The following TNR variants were observed in gnomAD, a reference collection of about 807,000 sequenced individuals.
TNR encodes tenascin R, also known as tenascin-R.
TNR carries 45 observed loss-of-function variants against 150.4 expected under a neutral mutation model. That is an observed-to-expected ratio of 0.30 (90% confidence interval 0.24 to 0.38). The LOEUF (loss-of-function observed/expected upper bound fraction) is 0.38, where lower values mean the gene tolerates loss of function less well. Among genes scored for constraint, TNR ranks in the 10% least tolerant of loss-of-function variants. TNR has a pLI of 1.00. For missense variants in TNR, 1,544 were observed against 1,759.1 expected, an observed-to-expected ratio of 0.88 and a Z score of 2.19; for synonymous variants, 687 against 678.4, an observed-to-expected ratio of 1.01 and a Z score of -0.20.
At chr1:175,709,468 G>T (rs1666939342) in intron 1 of TNR, among the ~76,000 whole-genome samples, 1 of 152,150 alleles carries the variant, frequency 6.6e-6, no homozygotes, top group African/African-American at 2.4e-5. Context: ...TATTAATTAG[G>T]TTTCTGTAGT....
At chr1:175,324,560 C>T in intron 21 of TNR, 41 bp from the exon 22 acceptor site, 1 of 1,600,476 alleles carries the variant, frequency 6.2e-7, no homozygotes, top group Admixed American at 1.7e-5. Flanking sequence ...CCATTTGTCA[C>T]TGCTTTATCA....
intron 19 of TNR, among the ~76,000 whole-genome samples, chr1:175,336,484 C>A (rs889690712): frequency 2.6e-5 from 4 of 152,210 alleles, no homozygotes; most frequent in African/African-American, 4.8e-5. Context: ...GAGAGGGCAT[C>A]CAAAGAAGGG....
chr1:175,653,683 T>C lies in TNR; in HGVS notation c.-165+89543A>G, dbSNP rs118021916. Among the ~76,000 whole-genome samples, 8 of 152,344 alleles carry C rather than the reference T, an allele frequency of 5.3e-5. No homozygotes were observed. In the East Asian group the frequency reaches 7.7e-4, roughly 15 times the overall value. ...AAAGAAAAGCCAAGTGTTGGAAACA[T>C]TGGGTTATTATAGAACACATACAGA... On this transcript the variant is annotated intron_variant, in intron 1 of 22. Transcript: ENST00000367674.
chr1:175,594,897 G>A (rs1350981764), intron 1 of TNR, among the ~76,000 whole-genome samples: 1 of 151,422 alleles, frequency 6.6e-6, no homozygotes, highest in African/African-American at 2.4e-5. Context: ...GGGCATGGTG[G>A]CTCAAGCCTG....
intron 2 of TNR, among the ~76,000 whole-genome samples, chr1:175,411,052 G>A (rs1654189487): frequency 6.6e-6 from 1 of 152,194 alleles, no homozygotes; most frequent in Admixed American, 6.5e-5. Context: ...CTTGTTCGAT[G>A]AATGCAAATA....
At chr1:175,679,351 A>G (rs888635812) in intron 1 of TNR, among the ~76,000 whole-genome samples, 5 of 152,240 alleles carry the variant, frequency 3.3e-5, no homozygotes, top group Admixed American at 6.5e-5. Context: ...TTCCAGCCAG[A>G]TGCAAGCCCT....
At chr1:175,404,437 T>C (rs1653858457) in intron 3 of TNR, among the ~76,000 whole-genome samples, 1 of 152,232 alleles carries the variant, frequency 6.6e-6, no homozygotes, top group African/African-American at 2.4e-5. Flanking sequence ...ATTCTACGCA[T>C]GTCTCTGTCC....
chr1:175,467,270 C>T (rs753527198), intron 2 of TNR, among the ~76,000 whole-genome samples: 10 of 151,790 alleles, frequency 6.6e-5, no homozygotes, highest in Non-Finnish European at 1.5e-4. Context: ...GCTCTGCCCA[C>T]CGTCCACCTC....
intron 14 of TNR, among the ~76,000 whole-genome samples, chr1:175,360,425 A>G (rs1296621610): frequency 6.6e-6 from 1 of 152,234 alleles, no homozygotes; most frequent in Non-Finnish European, 1.5e-5. Context: ...AGGTAGGTCA[A>G]AAGGGCCTGT....
At chr1:175,689,181 TC>T (rs1196377338) in intron 1 of TNR, among the ~76,000 whole-genome samples, 1 of 152,200 alleles carries the variant, frequency 6.6e-6, no homozygotes, top group Non-Finnish European at 1.5e-5. Flanking sequence ...TGGAATCTTC[TC>T]CTGGCTTCTG....
intron 2 of TNR, among the ~76,000 whole-genome samples, chr1:175,485,641 C>A (rs1409684865): frequency 6.6e-6 from 1 of 152,202 alleles, no homozygotes; most frequent in East Asian, 1.9e-4. Context: ...GATCCTTTAT[C>A]ATCCTAGAAA....
In TNR at chr1:175,368,044, G is replaced by A. The variant is rs1279726559; in HGVS notation, c.1964-747C>T. 3.3e-5 allele frequency among the ~76,000 whole-genome samples: 5 copies of A among 152,312 alleles called. No homozygotes were observed. The East Asian group carries it at 7.7e-4, about 24-fold the overall frequency. On this transcript the variant is annotated intron_variant, in intron 9 of 22. Coordinates refer to ENST00000367674, the MANE Select transcript of TNR (RefSeq NM_003285.3). ...GAGGTTTACTACAAAGGATCTCTGA[G>A]AACCTCCTAGAATATCTGGAATTCT...
intron 1 of TNR, among the ~76,000 whole-genome samples, chr1:175,531,514 A>G (rs1660063771): frequency 6.6e-6 from 1 of 152,216 alleles, no homozygotes; most frequent in Non-Finnish European, 1.5e-5. Flanking sequence ...TACAGGGCTC[A>G]TGGTCCCAAA....
At chr1:175,541,716 C>A (rs1284377627) in intron 1 of TNR, among the ~76,000 whole-genome samples, 1 of 152,022 alleles carries the variant, frequency 6.6e-6, no homozygotes, top group East Asian at 1.9e-4. Context: ...CAATTTACAC[C>A]AAGGGGGATG....
chr1:175,533,339 A>C (rs1441840171), intron 1 of TNR, among the ~76,000 whole-genome samples: 1 of 152,168 alleles, frequency 6.6e-6, no homozygotes, highest in Non-Finnish European at 1.5e-5. Flanking sequence ...GAAGGAAGGA[A>C]CTCGAAACTT....
At chr1:175,417,075 G>GGAAGAAAGAAAGAAATAAAT (rs1654524320) in intron 2 of TNR, among the ~76,000 whole-genome samples, 1 of 138,166 alleles carries the variant, frequency 7.2e-6, no homozygotes, top group East Asian at 2.3e-4. Flanking sequence ...AAGAAAGAAA[G>GGAAGAAAGAAAGAAATAAAT]AAATCTAAGA....
At chr1:175,730,434 A>T (rs1222452969) in intron 1 of TNR, among the ~76,000 whole-genome samples, 2 of 152,120 alleles carry the variant, frequency 1.3e-5, no homozygotes, top group African/African-American at 4.8e-5. Flanking sequence ...CTCTACTCCA[A>T]CCAGATTGGG....
chr1:175,613,943 T>C (rs1368205848), intron 1 of TNR, among the ~76,000 whole-genome samples: 1 of 152,142 alleles, frequency 6.6e-6, no homozygotes, highest in Non-Finnish European at 1.5e-5. Context: ...TGGAGAAATA[T>C]GAACCCGGTC....
intron 2 of TNR, among the ~76,000 whole-genome samples, chr1:175,451,735 G>T (rs2102093980): frequency 6.6e-6 from 1 of 152,316 alleles, no homozygotes; most frequent in East Asian, 1.9e-4. Context: ...CAGCTTGGCA[G>T]GATTGTAGCT....
Sources: gnomAD v4.1 joint callset for allele counts (sites outside exome capture counted in the v4.1 genomes callset) on GRCh38, gnomAD v4.1.1 for gene constraint, MANE v1.5 for transcripts, NCBI Gene and HGNC (gene_info 2026-07-23, HGNC 2026-07-21) for gene names.